Variants in ITGA9 observed in about 807,000 individuals in gnomAD.
ITGA9 encodes integrin alpha-9.
ITGA9 carries 56 observed loss-of-function variants against 127.8 expected under a neutral mutation model. The ratio of observed to expected loss-of-function variants is 0.44; its 90% CI spans 0.35 to 0.55. The LOEUF is 0.55. Ranked by LOEUF, ITGA9 falls within the 20% of genes least tolerant of loss-of-function variation. ITGA9 has a pLI of 0.00. For synonymous variants in ITGA9, 508 were observed against 514.5 expected, an observed-to-expected ratio of 0.99 and a Z score of 0.17; for missense variants, 1,196 against 1,347.1, an observed-to-expected ratio of 0.89 and a Z score of 1.76.
chr3:37,470,206 T>C (rs1011692142), intron 1 of ITGA9, among the ~76,000 whole-genome samples: 1 of 146,994 alleles, frequency 6.8e-6, no homozygotes, highest in Non-Finnish European at 1.5e-5. Context: ...CTGGTAGAAA[T>C]GTATGCATCT....
At chr3:37,591,806 G>C (rs1473870081) in intron 15 of ITGA9, among the ~76,000 whole-genome samples, 1 of 152,144 alleles carries the variant, frequency 6.6e-6, no homozygotes, top group Non-Finnish European at 1.5e-5. Context: ...TGGCCTTGAG[G>C]GCCATGTTTC....
At chr3:37,748,689 A>G (rs886856591) in intron 22 of ITGA9, 2 of 536,094 alleles carry the variant, frequency 3.7e-6, no homozygotes, top group Non-Finnish European at 6.6e-6. Flanking sequence ...TGGAAGTTGC[A>G]GTGAGCCGAG....
Position 37,662,514 on chromosome 3 carries a change from C to G in ITGA9, c.1916+8724C>G, listed in dbSNP as rs186359910. ...TATTCCTCTCAGTGAAAGTACGTTC[C>G]AGCTTGAGTTTTGAGTTTGCTCCTC... is the stretch of plus-strand genomic sequence containing the variant. On this transcript the variant is annotated intron_variant, in intron 17 of 27. Coordinates refer to ENST00000264741, the MANE Select transcript of ITGA9 (RefSeq NM_002207.3). 9.2e-5 allele frequency among the ~76,000 whole-genome samples: 14 copies of G among 152,200 alleles called. No individual in the cohort carries two copies. The East Asian group carries it at 2.7e-3, about 29-fold the overall frequency.
chr3:37,579,971 A>G (rs988926542), intron 15 of ITGA9, among the ~76,000 whole-genome samples: 6 of 152,208 alleles, frequency 3.9e-5, no homozygotes, highest in African/African-American at 1.4e-4. Context: ...TATCCATTTA[A>G]TGTGTTTTTA....
intron 18 of ITGA9, among the ~76,000 whole-genome samples, chr3:37,721,670 T>G (rs899981666): frequency 6.6e-6 from 1 of 152,198 alleles, no homozygotes; most frequent in African/African-American, 2.4e-5. Flanking sequence ...TAATCACCTC[T>G]GGTTCCCTCG....
At chr3:37,541,210 G>C (rs74588557) in intron 14 of ITGA9, among the ~76,000 whole-genome samples, 53 of 152,314 alleles carry the variant, frequency 3.5e-4, no homozygotes, top group African/African-American at 1.3e-3. Context: ...AAAGCCCCCA[G>C]ATTCTAAGAG....
intron 23 of ITGA9, among the ~76,000 whole-genome samples, chr3:37,758,399 C>T (rs1256953898): frequency 1.5e-5 from 2 of 135,250 alleles, no homozygotes; most frequent in African/African-American, 2.8e-5. Flanking sequence ...CTGGGTAAAA[C>T]AGGATGTAAT....
At chr3:37,573,537 G>A (rs942948965) in intron 15 of ITGA9, among the ~76,000 whole-genome samples, 3 of 152,136 alleles carry the variant, frequency 2.0e-5, no homozygotes, top group Non-Finnish European at 4.4e-5. Context: ...CAGGTGCATG[G>A]TTAGGACAGG....
intron 27 of ITGA9, chr3:37,818,190 C>CAAAAA (rs1313662128): frequency 1.7e-5 from 1 of 57,344 alleles, no homozygotes; most frequent in Non-Finnish European, 2.8e-5. Flanking sequence ...TTAAGACTCT[C>CAAAAA]TAAAAAAAAA....
At chr3:37,471,914 C>A (rs911514480) in intron 2 of ITGA9, among the ~76,000 whole-genome samples, 1 of 151,976 alleles carries the variant, frequency 6.6e-6, no homozygotes, top group Admixed American at 6.6e-5. Flanking sequence ...ATTAGCTGAA[C>A]GTGGTGATGC....
rs115177034 is a variant in ITGA9 at position 37,626,988 on chromosome 3, G to C, written c.1690-2199G>C. ...TTCATCCTTCTCCACACCGCGGGCA[G>C]TCTTCAAATTCTGGTTAGCAGAGTC... On this transcript the variant is annotated intron_variant, in intron 15 of 27. Transcript: ENST00000264741. Among the ~76,000 whole-genome samples the C allele has an allele frequency of 9.1e-3, 1,392 of 152,328 alleles. 21 individuals are homozygous for C. Among genetic ancestry groups the C allele is most frequent in the African/African-American group, 0.031 (1,298 of 41,578 alleles).
intron 1 of ITGA9, among the ~76,000 whole-genome samples, chr3:37,465,982 T>C (rs1165243790): frequency 2.0e-5 from 3 of 152,046 alleles, no homozygotes; most frequent in African/African-American, 7.2e-5. Context: ...CATCTTAACA[T>C]GAATAACCAT....
intron 5 of ITGA9, among the ~76,000 whole-genome samples, chr3:37,501,734 T>A (rs1698788874): frequency 6.6e-6 from 1 of 152,100 alleles, no homozygotes; most frequent in Non-Finnish European, 1.5e-5. Context: ...GAGTTTTGAA[T>A]ACTGCGAAAG....
intron 17 of ITGA9, among the ~76,000 whole-genome samples, chr3:37,683,212 C>A (rs1473881935): frequency 6.6e-6 from 1 of 152,192 alleles, no homozygotes; most frequent in Admixed American, 6.5e-5. Flanking sequence ...CAGGCACACG[C>A]CCACCTCAGG....
chr3:37,519,124 C>G (rs1699018741), intron 10 of ITGA9, 136 bp from the exon 11 acceptor site: 1 of 719,708 alleles, frequency 1.4e-6, no homozygotes, highest in African/African-American at 1.8e-5. Context: ...GATCTTGTCC[C>G]CAAATTAATG....
At chr3:37,652,547 A>G (rs760721590) in intron 16 of ITGA9, among the ~76,000 whole-genome samples, 5 of 152,172 alleles carry the variant, frequency 3.3e-5, no homozygotes, top group African/African-American at 7.2e-5. Flanking sequence ...ATGAATTTTC[A>G]TAGGCGAAAT....
chr3:37,551,230 A>G (rs1373619146), intron 15 of ITGA9, among the ~76,000 whole-genome samples: 1 of 152,146 alleles, frequency 6.6e-6, no homozygotes, highest in African/African-American at 2.4e-5. Flanking sequence ...AAATTTATTG[A>G]GATCTTATTT....
chr3:37,690,088 T>C (rs1301353278), intron 18 of ITGA9, among the ~76,000 whole-genome samples: 1 of 152,224 alleles, frequency 6.6e-6, no homozygotes, highest in East Asian at 1.9e-4. Context: ...GACAGAATCC[T>C]TGGATAAGTG....
chr3:37,492,762 T>C (rs570853008), intron 4 of ITGA9, among the ~76,000 whole-genome samples: 1 of 152,324 alleles, frequency 6.6e-6, no homozygotes, highest in East Asian at 1.9e-4. Flanking sequence ...AGAGTTACAA[T>C]TGGGTGTTTA....
Sources: allele counts gnomAD v4.1 joint callset (sites outside exome capture counted in the v4.1 genomes callset), GRCh38; gene constraint gnomAD v4.1.1; transcripts MANE v1.5; gene names NCBI Gene and HGNC (gene_info 2026-07-23, HGNC 2026-07-21).